The following NBAS variants were observed in gnomAD, a reference collection of about 807,000 sequenced individuals.
The protein encoded by NBAS is NBAS subunit of NRZ tethering complex.
A neutral mutation model predicts 302.5 loss-of-function variants in NBAS; 219 were observed. That is an observed-to-expected ratio of 0.72 (90% CI 0.65 to 0.81). NBAS has a LOEUF of 0.81. Among genes scored for constraint, NBAS ranks in the 30% least tolerant of loss-of-function variants. The pLI is 0.00. For missense variants in NBAS, 2,932 were observed against 2,841.6 expected (o/e 1.03, Z -0.72); for synonymous variants, 1,118 against 1,021.6 (o/e 1.09, Z -1.80).
intron 10 of NBAS, among the ~76,000 whole-genome samples, chr2:15,508,961 GCAGA>G (rs1484975168): frequency 1.3e-5 from 2 of 151,966 alleles, no homozygotes; most frequent in African/African-American, 4.8e-5. Flanking sequence ...CAAGAAAGCC[GCAGA>G]CATCATGCTT....
Position 15,374,581 on chromosome 2 carries a change from C to A in NBAS, c.3703+27G>T, listed in dbSNP as rs1445195382. 3 of 1,557,240 alleles carry A rather than the reference C, an allele frequency of 1.9e-6. No individual in the cohort carries two copies. In the African/African-American group the frequency reaches 4.1e-5, roughly 21 times the overall value. On this transcript the variant is annotated intron_variant, in intron 31 of 51. Coordinates refer to ENST00000281513, the MANE Select transcript of NBAS (RefSeq NM_015909.4). ...AAATTGCTGCAATATAAGTTAGTAA[C>A]AATGCAACAGTAAGTAGAAAACTCA...
chr2:15,528,882 T>A (rs369049397), intron 9 of NBAS, among the ~76,000 whole-genome samples: 1,278 of 116,906 alleles, frequency 0.011, 17 homozygotes, highest in East Asian at 0.048. Flanking sequence ...AAAAAAAATA[T>A]ATATATATAT....
chr2:15,271,634 G>C (rs939260321), intron 44 of NBAS, among the ~76,000 whole-genome samples: 5 of 152,208 alleles, frequency 3.3e-5, no homozygotes, highest in Non-Finnish European at 7.3e-5. Flanking sequence ...TCATATGAGA[G>C]AGAAGTATTT....
At chr2:15,380,879 A>G (rs1367616657) in intron 29 of NBAS, among the ~76,000 whole-genome samples, 3 of 152,056 alleles carry the variant, frequency 2.0e-5, no homozygotes, top group African/African-American at 4.8e-5. Flanking sequence ...GGATGCTCTT[A>G]TTTTCACTTC....
intron 25 of NBAS, among the ~76,000 whole-genome samples, chr2:15,412,452 T>C (rs76414206): frequency 1.2e-3 from 185 of 152,278 alleles, no homozygotes; most frequent in Non-Finnish European, 2.2e-3. Flanking sequence ...TTGTGAGAAA[T>C]AAATGTTCGC....
Position 15,536,566 on chromosome 2 carries a change from G to A in NBAS, c.514-15C>T. On this transcript the variant is annotated splice_polypyrimidine_tract_variant and intron_variant, in intron 7 of 51. Coordinates refer to ENST00000281513, the MANE Select transcript of NBAS (RefSeq NM_015909.4). ...AAACTAGATGCCTACAGAAGAGGGG[G>A]AAATTAAGTTACTAAAAAAAAAAAA... 1 of 1,578,378 alleles carries A rather than the reference G, an allele frequency of 6.3e-7. No individual in the cohort carries two copies. The highest frequency in any genetic ancestry group is 8.6e-7 in the Non-Finnish European group (1 of 1,165,218).
the NBAS span, among the ~76,000 whole-genome samples, chr2:15,024,649 T>C: frequency 1.3e-5 from 2 of 152,206 alleles, no homozygotes; most frequent in Non-Finnish European, 2.9e-5. Flanking sequence ...GACTTTTTGA[T>C]AATAGCCATT....
chr2:14,845,359 C>T, the NBAS span, among the ~76,000 whole-genome samples: 1 of 152,162 alleles, frequency 6.6e-6, no homozygotes, highest in African/African-American at 2.4e-5. Flanking sequence ...GATTGAGATG[C>T]CTCCTAATAA....
chr2:15,442,905 G>A (rs1036414439), intron 21 of NBAS, among the ~76,000 whole-genome samples: 1 of 152,188 alleles, frequency 6.6e-6, no homozygotes, highest in African/African-American at 2.4e-5. Flanking sequence ...AAATCTAGAA[G>A]AAATGGATAA....
At chr2:15,176,183 G>A in intron 51 of NBAS, among the ~76,000 whole-genome samples, 1 of 152,206 alleles carries the variant, frequency 6.6e-6, no homozygotes, top group Non-Finnish European at 1.5e-5. Context: ...GGGCCAAAAT[G>A]CCCACTGAAA....
chr2:15,029,408 C>A, the NBAS span, among the ~76,000 whole-genome samples: 1 of 152,014 alleles, frequency 6.6e-6, no homozygotes, highest in Non-Finnish European at 1.5e-5. Context: ...ACCACTGTTA[C>A]ACTGACTTTA....
intron 38 of NBAS, among the ~76,000 whole-genome samples, chr2:15,309,506 G>GA (rs1671184338): frequency 6.6e-6 from 1 of 152,192 alleles, no homozygotes; most frequent in South Asian, 2.1e-4. Context: ...AAGGTTAAGT[G>GA]CAAAGACATG....
chr2:15,015,149 CAAA>C, the NBAS span, among the ~76,000 whole-genome samples: 3 of 127,240 alleles, frequency 2.4e-5, no homozygotes, highest in Admixed American at 1.6e-4. Context: ...AGAAGTTTCC[CAAA>C]AAAAAAAAAA....
the NBAS span, among the ~76,000 whole-genome samples, chr2:15,048,818 C>T: frequency 1.3e-5 from 2 of 152,228 alleles, no homozygotes; most frequent in African/African-American, 2.4e-5. Context: ...CCTGCACATG[C>T]GGGCTCAGCC....
At chr2:15,467,166 T>C (rs1029992283) in intron 19 of NBAS, among the ~76,000 whole-genome samples, 163 bp downstream of exon 19, 1 of 152,164 alleles carries the variant, frequency 6.6e-6, no homozygotes, top group Non-Finnish European at 1.5e-5. Context: ...CAATCTCTAA[T>C]TTTTACCAAA....
chr2:14,822,307 T>A, the NBAS span, among the ~76,000 whole-genome samples: 1 of 152,106 alleles, frequency 6.6e-6, no homozygotes, highest in East Asian at 1.9e-4. Flanking sequence ...GAGTTATCAA[T>A]TTTTCCCAGA....
At chr2:15,446,540 GAA>G (rs1305219397) in intron 21 of NBAS, among the ~76,000 whole-genome samples, 1 of 152,166 alleles carries the variant, frequency 6.6e-6, no homozygotes, top group Non-Finnish European at 1.5e-5. Flanking sequence ...GCATGCTAAA[GAA>G]AGTGTTTCAG....
At chr2:14,853,871 A>G in the NBAS span, among the ~76,000 whole-genome samples, 4 of 126,048 alleles carry the variant, frequency 3.2e-5, 1 homozygote, top group Non-Finnish European at 6.5e-5. Flanking sequence ...GAATTGAACA[A>G]TGAGATCACA....
chr2:15,042,306 G>C, the NBAS span, among the ~76,000 whole-genome samples: 1 of 152,218 alleles, frequency 6.6e-6, no homozygotes, highest in African/African-American at 2.4e-5. Flanking sequence ...TCATGTGCTG[G>C]CTTGGAGCTA....
Sources: allele counts gnomAD v4.1 joint callset (sites outside exome capture counted in the v4.1 genomes callset), GRCh38; gene constraint gnomAD v4.1.1; transcripts MANE v1.5; gene names NCBI Gene and HGNC (gene_info 2026-07-23, HGNC 2026-07-21).